Variants in VGLL3 observed in about 807,000 individuals in gnomAD.
VGLL3 encodes vestigial like family member 3.
VGLL3 carries 18 observed loss-of-function variants against 29.2 expected under a neutral mutation model. That is an observed-to-expected ratio of 0.62 (90% CI 0.43 to 0.91). The LOEUF is 0.91. Ranked by LOEUF, VGLL3 falls within the 40% of genes least tolerant of loss-of-function variation. VGLL3 has a pLI of 0.00. For missense variants in VGLL3, 440 were observed against 413.2 expected, an observed-to-expected ratio of 1.06 and a Z score of -0.56; for synonymous variants, 180 against 151.8, an observed-to-expected ratio of 1.19 and a Z score of -1.36.
chr3:86,986,073 G>C (rs1476434451), intron 1 of VGLL3, among the ~76,000 whole-genome samples: 2 of 150,272 alleles, frequency 1.3e-5, no homozygotes, highest in African/African-American at 4.9e-5. Flanking sequence ...ATACACACAC[G>C]CACATAGCCC....
intron 1 of VGLL3, among the ~76,000 whole-genome samples, chr3:86,982,347 T>A (rs917536337): frequency 1.3e-5 from 2 of 152,072 alleles, no homozygotes; most frequent in African/African-American, 4.8e-5. Context: ...GGTTTCACTA[T>A]GTTGGCCAGG....
intron 2 of VGLL3, among the ~76,000 whole-genome samples, chr3:86,971,827 T>G (rs1705108146): frequency 6.6e-6 from 1 of 152,170 alleles, no homozygotes; most frequent in Non-Finnish European, 1.5e-5. Flanking sequence ...GGCTCCTTAT[T>G]CTACATAGTT....
At chr3:86,980,607 C>T (rs1298653713) in intron 1 of VGLL3, among the ~76,000 whole-genome samples, 2 of 151,980 alleles carry the variant, frequency 1.3e-5, no homozygotes, top group Non-Finnish European at 2.9e-5. Flanking sequence ...ATAGTATAAA[C>T]ACCATAGAAA....
intron 3 of VGLL3, among the ~76,000 whole-genome samples, chr3:86,963,839 T>A (rs552600382): frequency 1.1e-4 from 17 of 152,314 alleles, no homozygotes; most frequent in African/African-American, 4.1e-4. Context: ...GCTGACAAAA[T>A]CAGGCAGTCT....
At position 86,978,706 on chromosome 3, in the gene VGLL3, T is replaced by G. The variant is rs1705262427; in HGVS notation, c.223A>C (p.Lys75Gln). The stretch of plus-strand genomic sequence containing the variant: ...TACTCCATCTCGGCAGGCTGGTCTT[T>G]CTCCTCCTCCTCCTCCTCCTCATCC... ...EEDEEEEEEE[K>Q]DQPAEMEYLN... is the part of the protein sequence containing the mutation. The change falls in exon 2 of 4, where the codon AAA becomes CAA. Residue 75 changes from lysine to glutamine, a missense_variant. Coordinates refer to ENST00000398399, the MANE Select transcript of VGLL3 (RefSeq NM_016206.4). The G allele has an allele frequency of 6.4e-7, 1 of 1,560,022 alleles. No homozygotes were observed. The highest frequency in any genetic ancestry group is 1.8e-5 in the Admixed American group (1 of 56,648).
chr3:86,953,598 T>C (rs1359709691), intron 3 of VGLL3, among the ~76,000 whole-genome samples: 1 of 152,212 alleles, frequency 6.6e-6, no homozygotes, highest in Non-Finnish European at 1.5e-5. Flanking sequence ...TTTATATATT[T>C]TTCCTATTTA....
chr3:86,981,359 C>A (rs1020931163), intron 1 of VGLL3, among the ~76,000 whole-genome samples: 1 of 151,872 alleles, frequency 6.6e-6, no homozygotes, highest in Non-Finnish European at 1.5e-5. Flanking sequence ...AATAAACTAA[C>A]CTAAAAATTA....
chr3:86,959,841 A>T (rs992581470), intron 3 of VGLL3, among the ~76,000 whole-genome samples: 2 of 152,128 alleles, frequency 1.3e-5, no homozygotes, highest in Non-Finnish European at 2.9e-5. Flanking sequence ...AGTGATTTTT[A>T]CCCAGGTGGG....
At chr3:86,973,711 A>G (rs1705152161) in intron 2 of VGLL3, among the ~76,000 whole-genome samples, 1 of 152,160 alleles carries the variant, frequency 6.6e-6, no homozygotes, top group East Asian at 1.9e-4. Flanking sequence ...CCAGCTCATC[A>G]GACAGGCCCT....
Position 86,968,945 on chromosome 3 carries a change from C to A in VGLL3, c.582G>T (p.Gln194His). The change falls in exon 3 of 4, where the codon CAG becomes CAT. Residue 194 changes from glutamine to histidine, a missense_variant. Physicochemically the swap from Gln to His is conservative, Grantham distance 24. Coordinates refer to ENST00000398399, the MANE Select transcript of VGLL3 (RefSeq NM_016206.4). ...CAGCAGGGGGAGGGGCTGGGCCAGT[C>A]TGATGCAGGTTGTGTCCCGGCCAAG... ...PSPWPGHNLH[Q>H]TGPAPPPAVS... is the part of the protein sequence containing the mutation. The A allele has an allele frequency of 6.2e-7, 1 of 1,614,074 alleles. No individual in the cohort carries two copies. The highest frequency in any genetic ancestry group is 2.2e-5 in the East Asian group (1 of 44,860).
At chr3:86,965,087 G>A (rs1283765615) in intron 3 of VGLL3, among the ~76,000 whole-genome samples, 2 of 151,882 alleles carry the variant, frequency 1.3e-5, no homozygotes, top group South Asian at 2.1e-4. Flanking sequence ...AACCCAGGAA[G>A]TGAAGGTTGC....
At chr3:86,962,151 T>A in intron 3 of VGLL3, 1 of 985,424 alleles carries the variant, frequency 1.0e-6, no homozygotes. Context: ...GATAACAGCC[T>A]CTTGGTAAAG....
At chr3:86,954,988 T>G (rs1704689412) in intron 3 of VGLL3, among the ~76,000 whole-genome samples, 1 of 151,654 alleles carries the variant, frequency 6.6e-6, no homozygotes, top group South Asian at 2.1e-4. Flanking sequence ...CAGACATCTG[T>G]TGGATAACAA....
chr3:86,966,272 T>G (rs1004077946), intron 3 of VGLL3, among the ~76,000 whole-genome samples: 2 of 152,104 alleles, frequency 1.3e-5, no homozygotes, highest in Non-Finnish European at 2.9e-5. Flanking sequence ...TTCTCTGAAC[T>G]CTAGATTTTC....
chr3:86,952,605 T>C (rs1575860721), intron 3 of VGLL3, among the ~76,000 whole-genome samples: 2 of 152,210 alleles, frequency 1.3e-5, no homozygotes, highest in South Asian at 4.1e-4. Context: ...TGGGTAAGTG[T>C]AAACTTTTCA....
In VGLL3 at chr3:86,955,268, ATCTC is replaced by A. The variant is rs981714785; in HGVS notation, c.938-8205_938-8202del. ...AATGCCTATTTGATATAAGTAATCA[ATCTC>A]TCTATTAATGCAAGATATATTGGAA... On this transcript the variant is annotated intron_variant, in intron 3 of 3. Transcript: ENST00000398399. Among the ~76,000 whole-genome samples, 8 of 152,110 alleles carry A rather than the reference ATCTC, an allele frequency of 5.3e-5. No homozygotes were observed. The East Asian group carries it at 5.8e-4, about 11-fold the overall frequency.
intron 2 of VGLL3, among the ~76,000 whole-genome samples, chr3:86,976,492 T>C (rs1705213331): frequency 6.6e-6 from 1 of 152,240 alleles, no homozygotes; most frequent in Non-Finnish European, 1.5e-5. Context: ...AAATGTTTGC[T>C]GAATATGTCA....
chr3:86,968,382 C>T (rs912332033), intron 3 of VGLL3, among the ~76,000 whole-genome samples: 4 of 152,156 alleles, frequency 2.6e-5, no homozygotes, highest in Admixed American at 2.6e-4. Flanking sequence ...GAGAGAAAAG[C>T]TCTGAGACCT....
At chr3:86,967,412 G>T (rs1363158825) in intron 3 of VGLL3, among the ~76,000 whole-genome samples, 1 of 152,174 alleles carries the variant, frequency 6.6e-6, no homozygotes. Context: ...TAGAAAAGCA[G>T]CTTGAACCCA....
Sources: allele counts gnomAD v4.1 joint callset (sites outside exome capture counted in the v4.1 genomes callset), GRCh38; gene constraint gnomAD v4.1.1; transcripts MANE v1.5; gene names NCBI Gene and HGNC (gene_info 2026-07-23, HGNC 2026-07-21).